TNFAIP2: variants seen among roughly 807,000 people sequenced by gnomAD.
The protein encoded by TNFAIP2 is tumor necrosis factor alpha-induced protein 2.
In TNFAIP2, 47 loss-of-function variants were observed where a neutral mutation model predicts 63.5. That is an observed-to-expected ratio of 0.74 (90% CI 0.59 to 0.94). The LOEUF (loss-of-function observed/expected upper bound fraction) is 0.94. TNFAIP2 is among the 40% of genes least tolerant of loss of function. The probability of loss-of-function intolerance (pLI) is 0.00; values close to 1 mark genes in which losing one functional copy is unlikely to be tolerated. For missense variants in TNFAIP2, 787 were observed against 850.2 expected, an observed-to-expected ratio of 0.93 and a Z score of 0.92; for synonymous variants, 405 against 390.2, an observed-to-expected ratio of 1.04 and a Z score of -0.45.
At chr14:103,132,584 C>G in intron 8 of TNFAIP2, 166 bp from the exon 9 acceptor site, 1 of 968,748 alleles carries the variant, frequency 1.0e-6, no homozygotes, top group South Asian at 1.4e-5. Flanking sequence ...TGTCTGTGAG[C>G]AGGGACCTGA....
chr14:103,134,185 G>A lies in TNFAIP2; in HGVS notation c.1823+382G>A, dbSNP rs1280113695. The stretch of plus-strand genomic sequence containing the variant: ...TGCTCTGGGACCAGGGCTCATATTC[G>A]GGAGTGGAGGCTTAGCCCTTGGCTG... On this transcript the variant is annotated intron_variant, in intron 11 of 11. Transcript: ENST00000560869. Among the ~76,000 whole-genome samples the A allele has an allele frequency of 3.3e-5, 5 of 152,218 alleles. No homozygotes were observed. The East Asian group carries it at 7.7e-4, about 23-fold the overall frequency.
At position 103,135,029 on chromosome 14, in the gene TNFAIP2, T is replaced by C. The variant is rs554189969; in HGVS notation, c.1824-190T>C. Among the ~76,000 whole-genome samples, 1 of 152,252 alleles carries C rather than the reference T, an allele frequency of 6.6e-6. No individual in the cohort carries two copies. The highest frequency in any genetic ancestry group is 6.5e-5 in the Admixed American group (1 of 15,296). On this transcript the variant is annotated intron_variant, in intron 11 of 11. Transcript: ENST00000560869. This position sits in a 1 kb window ranked among gnomAD's most constrained non-coding sequence, Gnocchi z 7.6. Reference sequence around the variant, plus strand: ...CAGGGGAACAGCCGGTGCGGAGGCCTGAAGCAGGCTGGGGCATGGCTGCTC... The same window carrying C: ...CAGGGGAACAGCCGGTGCGGAGGCCCGAAGCAGGCTGGGGCATGGCTGCTC...
Position 103,127,003 on chromosome 14 carries a change from A to T in TNFAIP2, c.236-2A>T. On this transcript the variant is annotated splice_acceptor_variant, in intron 2 of 11. Transcript: ENST00000560869. LOFTEE classifies it high-confidence loss of function. The surrounding 1 kb of genome is among the most constrained non-coding windows in gnomAD (Gnocchi z 5.1). ...GGGGCTGACGCGGCTTTCCCGGCGC[A>T]GTGGAGGAGCTGAAGGCGGCGCTGG... The T allele has an allele frequency of 8.3e-7, 1 of 1,208,118 alleles. No homozygotes were observed. Among genetic ancestry groups the T allele is most frequent in the Non-Finnish European group, 1.0e-6 (1 of 970,542 alleles). The allele number at this position is 1,208,118 out of a possible 1,614,324, so 74.8% of individuals were successfully genotyped here. A position where few individuals can be genotyped will look rare whatever the true frequency, so the allele number is the denominator to read the frequency against.
In TNFAIP2 at chr14:103,127,530, A is replaced by G. The variant is rs377248603; in HGVS notation, c.761A>G (p.His254Arg). The G allele has an allele frequency of 5.4e-5, 86 of 1,589,014 alleles. No individual in the cohort carries two copies. Among genetic ancestry groups the G allele is most frequent in the Non-Finnish European group, 6.8e-5 (80 of 1,174,862 alleles). Reference sequence around the variant, plus strand: ...GTGGCGGCCTACGCCGAGAGCTACCACCAGCACTTCGCGGCCCACCTGGCC... The same window carrying G: ...GTGGCGGCCTACGCCGAGAGCTACCGCCAGCACTTCGCGGCCCACCTGGCC... ...GVVAAYAESY[H>R]QHFAAHLAAV... Residue 254 changes from histidine (H) to arginine (R), a missense_variant, in exon 3 of 12, where the codon CAC (histidine) becomes CGC (arginine). By Grantham distance (29) the His-to-Arg change is conservative. Coordinates refer to ENST00000560869, the MANE Select transcript of TNFAIP2 (RefSeq NM_006291.4). This position sits in a 1 kb window ranked among gnomAD's most constrained non-coding sequence, Gnocchi z 5.1.
At chr14:103,129,894 C>G in intron 4 of TNFAIP2, 40 bp downstream of exon 4, 1 of 1,608,634 alleles carries the variant, frequency 6.2e-7, no homozygotes, top group Non-Finnish European at 8.5e-7. Flanking sequence ...AGGGAGGCAG[C>G]AGAGGAGAGG....
At chr14:103,134,832 A>C (rs957849390) in intron 11 of TNFAIP2, among the ~76,000 whole-genome samples, 1 of 152,234 alleles carries the variant, frequency 6.6e-6, no homozygotes, top group Admixed American at 6.5e-5. Flanking sequence ...TACTAATGAC[A>C]TAATCAGGCA....
intron 4 of TNFAIP2, 74 bp downstream of exon 4, chr14:103,129,928 C>G (rs1472643157): frequency 6.2e-7 from 1 of 1,607,224 alleles, no homozygotes; most frequent in East Asian, 2.2e-5. Context: ...AGGACATGGG[C>G]AGGGAGCTTG....
At chr14:103,126,875 A>C in intron 2 of TNFAIP2, 130 bp from the exon 3 acceptor site, 1 of 1,387,408 alleles carries the variant, frequency 7.2e-7, no homozygotes, top group South Asian at 1.5e-5. Flanking sequence ...AGGGACACCG[A>C]CATCACCCTT....
rs1226074794 is a variant in TNFAIP2 at position 103,130,017 on chromosome 14, T to G, written c.991T>G (p.Leu331Val). Residue 331 changes from leucine to valine, a missense_variant, in exon 5 of 12, where the codon TTG becomes GTG. Transcript: ENST00000560869. ...CCTCCTCCAGGCCAATGTGAGGGAG[T>G]TGATGGACCGAGCTCTGGAGCTAGA... is the stretch of plus-strand genomic sequence containing the variant. ...LSSEAANVRE[L>V]MDRALELEAR... The G allele has an allele frequency of 6.2e-7, 1 of 1,611,582 alleles. No homozygotes were observed. The highest frequency in any genetic ancestry group is 8.5e-7 in the Non-Finnish European group (1 of 1,179,776).
At position 103,127,099 on chromosome 14, in the gene TNFAIP2, G is replaced by A. The variant is rs2087872151; in HGVS notation, c.330G>A (p.Ala110=). 2.7e-6 allele frequency: 3 copies of A among 1,102,454 alleles called. No individual in the cohort carries two copies. Among genetic ancestry groups the A allele is most frequent in the Non-Finnish European group, 3.3e-6 (3 of 905,892 alleles). The allele number at this position is 1,102,454 out of a possible 1,614,324, so 68.3% of individuals were successfully genotyped here. The change falls in exon 3 of 12, where the codon GCG becomes GCA. Residue 110 remains alanine (A), a synonymous_variant. Transcript: ENST00000560869. This position sits in a 1 kb window ranked among gnomAD's most constrained non-coding sequence, Gnocchi z 5.1. ...GGGAGCTGGCGGCGGCGGCGGCGGC[G>A]GGCGGTGTGAGCGAGGAGGAGCTGG... is the stretch of plus-strand genomic sequence containing the variant. The part of the protein sequence containing the change: ...LERELAAAAA[A]GGVSEEELVR...
rs925602274 is a variant in TNFAIP2 at position 103,127,291 on chromosome 14, G to T, written c.522G>T (p.Gly174=). 5.8e-4 allele frequency: 576 copies of T among 989,376 alleles called. 6 individuals are homozygous for T. In the African/African-American group the frequency reaches 8.4e-3, roughly 14 times the overall value. The allele number at this position is 989,376 out of a possible 1,614,324, so 61.3% of individuals were successfully genotyped here. The part of the protein sequence containing the change: ...EDRQAAAAGP[G]TSGLAATRPR... ...GCCAGGCGGCGGCGGCGGGGCCGGGGACCTCGGGGCTGGCGGCCACGCGCC... is the reference window on the plus strand; with the variant it reads ...GCCAGGCGGCGGCGGCGGGGCCGGGTACCTCGGGGCTGGCGGCCACGCGCC... Residue 174 remains glycine (G), a synonymous_variant, in exon 3 of 12, where the codon GGG becomes GGT. Coordinates refer to ENST00000560869, the MANE Select transcript of TNFAIP2 (RefSeq NM_006291.4). The surrounding 1 kb of genome is among the most constrained non-coding windows in gnomAD (Gnocchi z 5.1).
chr14:103,128,896 G>T (rs980717125), intron 3 of TNFAIP2, among the ~76,000 whole-genome samples: 1 of 152,278 alleles, frequency 6.6e-6, no homozygotes, highest in African/African-American at 2.4e-5. Flanking sequence ...GCCAAGCTGG[G>T]CATGGAGCCC....
At chr14:103,122,248 T>G (rs1282595097), upstream of TNFAIP2, among the ~76,000 whole-genome samples, 3 of 152,176 alleles carry the variant, frequency 2.0e-5, no homozygotes, top group Non-Finnish European at 4.4e-5. Context: ...ACCTGGCGCT[T>G]GGCCAGCACT....
rs767419638 is a variant in TNFAIP2 at position 103,130,378 on chromosome 14, C to T, written c.1162C>T (p.Arg388Trp). 1.4e-5 allele frequency: 22 copies of T among 1,569,424 alleles called. No individual in the cohort carries two copies. The highest frequency in any genetic ancestry group is 7.5e-5 in the Admixed American group (4 of 53,398). The change falls in exon 6 of 12, where the codon CGG becomes TGG. Residue 388 changes from arginine (R) to tryptophan (W), a missense_variant. Physicochemically the swap from Arg to Trp is moderately radical, Grantham distance 101. Coordinates refer to ENST00000560869, the MANE Select transcript of TNFAIP2 (RefSeq NM_006291.4). Reference protein sequence around the residue: ...ITLDLGSQIKRVLLVELPAFL... With the variant: ...ITLDLGSQIKWVLLVELPAFL... ...GCTGGACTTGGGCTCACAGATAAAGCGGGTGCTGCTGGTGGAGCTGCCTGC... is the reference window on the plus strand; with the variant it reads ...GCTGGACTTGGGCTCACAGATAAAGTGGGTGCTGCTGGTGGAGCTGCCTGC...
rs540890098 is a variant in TNFAIP2, at chr14:103,130,165, C to T, written c.1098+41C>T. 3.9e-5 allele frequency: 62 copies of T among 1,595,714 alleles called. No individual in the cohort carries two copies. The East Asian group carries it at 5.2e-4, about 13-fold the overall frequency. On this transcript the variant is annotated intron_variant, in intron 5 of 11. Coordinates refer to ENST00000560869, the MANE Select transcript of TNFAIP2 (RefSeq NM_006291.4). ...CCAGGGCACACGTACCGCCCGTGCA[C>T]GTGCATGGGGAGCCCCACGCACATT...
rs755854126 is a variant in TNFAIP2, at chr14:103,132,731, C to A, written c.1423-19C>A. 1.2e-6 allele frequency: 2 copies of A among 1,609,286 alleles called. No homozygotes were observed. The highest frequency in any genetic ancestry group is 1.7e-6 in the Non-Finnish European group (2 of 1,178,184). ...TCCTCTCCAGGGCGTGACTAGACAT[C>A]CTGCCTCTCCTGTCTCAGCCACTGT... On this transcript the variant is annotated intron_variant, in intron 8 of 11. Coordinates refer to ENST00000560869, the MANE Select transcript of TNFAIP2 (RefSeq NM_006291.4).
Position 103,131,877 on chromosome 14 carries a change from A to G in TNFAIP2, c.1422+115A>G. The G allele has an allele frequency of 1.4e-6, 2 of 1,427,124 alleles. No individual in the cohort carries two copies. Among genetic ancestry groups the G allele is most frequent in the Non-Finnish European group, 1.9e-6 (2 of 1,071,770 alleles). The allele number at this position is 1,427,124 out of a possible 1,614,324, so 88.4% of individuals were successfully genotyped here. ...CAAAGATGTGGGGAAGACACGCTCC[A>G]GGCCTGTGGACGGCACCGTGGGCCA... On this transcript the variant is annotated intron_variant, in intron 8 of 11. Transcript: ENST00000560869. The surrounding 1 kb of genome is among the most constrained non-coding windows in gnomAD (Gnocchi z 4.0).
chr14:103,126,274 A>G (rs931448907), intron 1 of TNFAIP2, 36 bp from the exon 2 acceptor site: 9 of 566,440 alleles, frequency 1.6e-5, no homozygotes, highest in African/African-American at 1.3e-4. Context: ...GGGCCGGTCC[A>G]TGGTGACCAC....
rs1052898463 is a variant in TNFAIP2 at position 103,127,258 on chromosome 14, C to T, written c.489C>T (p.Arg163=). The T allele has an allele frequency of 2.7e-5, 27 of 1,014,018 alleles. No individual in the cohort carries two copies. The East Asian group carries it at 2.3e-3, about 85-fold the overall frequency. The allele number at this position is 1,014,018 out of a possible 1,614,324, so 62.8% of individuals were successfully genotyped here. The change falls in exon 3 of 12, where the codon CGC becomes CGT. Residue 163 remains arginine (R), a synonymous_variant. Coordinates refer to ENST00000560869, the MANE Select transcript of TNFAIP2 (RefSeq NM_006291.4). This position sits in a 1 kb window ranked among gnomAD's most constrained non-coding sequence, Gnocchi z 5.1. ...QALAVVAEQE[R]EDRQAAAAGP... ...TGGCCGTGGTGGCGGAGCAGGAGCGCGAGGACCGCCAGGCGGCGGCGGCGG... is the reference window on the plus strand; with the variant it reads ...TGGCCGTGGTGGCGGAGCAGGAGCGTGAGGACCGCCAGGCGGCGGCGGCGG...
Sources: allele counts gnomAD v4.1 joint callset (sites outside exome capture counted in the v4.1 genomes callset), GRCh38; gene constraint gnomAD v4.1.1; non-coding constraint Gnocchi (gnomAD v3.1); transcripts MANE v1.5; gene names NCBI Gene and HGNC (gene_info 2026-07-23, HGNC 2026-07-21).